Variants in MYH10 observed in about 807,000 individuals in gnomAD.
MYH10 encodes myosin-10.
MYH10 carries 55 observed loss-of-function variants against 257.8 expected under a neutral mutation model. The observed-to-expected ratio is 0.21, with a 90% CI of 0.17 to 0.27. The LOEUF (loss-of-function observed/expected upper bound fraction) is 0.27, where lower values mean the gene tolerates loss of function less well. Ranked by LOEUF, MYH10 falls within the 10% of genes least tolerant of loss-of-function variation. The probability of loss-of-function intolerance (pLI) is 1.00; values close to 1 mark genes in which losing one functional copy is unlikely to be tolerated. For missense variants in MYH10, 1,631 were observed against 2,500.6 expected (o/e 0.65, Z 7.42); for synonymous variants, 854 against 921.7 (o/e 0.93, Z 1.33).
In MYH10 at chr17:8,477,090, A is replaced by T. The variant is rs1429961798; in HGVS notation, c.5707-42T>A. On this transcript the variant is annotated intron_variant, in intron 41 of 42. Coordinates refer to ENST00000360416, the MANE Select transcript of MYH10 (RefSeq NM_001256012.3). This position sits in a 1 kb window ranked among gnomAD's most constrained non-coding sequence, Gnocchi z 4.2. ...GAACCAAAACAAACCAAACTGGTGA[A>T]TCCAGTGTCGGCCTCTCTGTACCCC... 1.2e-6 allele frequency: 2 copies of T among 1,607,558 alleles called. No individual in the cohort carries two copies. Among genetic ancestry groups the T allele is most frequent in the Admixed American group, 1.7e-5 (1 of 59,932 alleles).
intron 32 of MYH10, among the ~76,000 whole-genome samples, chr17:8,493,517 T>C (rs534693134): frequency 1.3e-5 from 2 of 152,330 alleles, no homozygotes; most frequent in Admixed American, 1.3e-4. Flanking sequence ...TGGATTGAAA[T>C]CTTACATCGT....
chr17:8,506,606 T>C lies in MYH10; in HGVS notation c.3215-117A>G. The C allele has an allele frequency of 9.5e-7, 1 of 1,056,000 alleles. No individual in the cohort carries two copies. The highest frequency in any genetic ancestry group is 1.4e-6 in the Non-Finnish European group (1 of 719,288). The allele number at this position is 1,056,000 out of a possible 1,614,324, so 65.4% of individuals were successfully genotyped here. Reference sequence around the variant, plus strand: ...GCCATTTTATTCAAAAGCATGTCACTGCCCTGATGACATGGTCATGCGCTG... The same window carrying C: ...GCCATTTTATTCAAAAGCATGTCACCGCCCTGATGACATGGTCATGCGCTG... On this transcript the variant is annotated intron_variant, in intron 26 of 42. Coordinates refer to ENST00000360416, the MANE Select transcript of MYH10 (RefSeq NM_001256012.3). This position sits in a 1 kb window ranked among gnomAD's most constrained non-coding sequence, Gnocchi z 5.0.
At position 8,493,720 on chromosome 17, in the gene MYH10, A is replaced by G; in HGVS notation, c.4209+13T>C. 6.2e-7 allele frequency: 1 copy of G among 1,609,602 alleles called. No homozygotes were observed. The highest frequency in any genetic ancestry group is 8.5e-7 in the Non-Finnish European group (1 of 1,178,186). Reference sequence around the variant, plus strand: ...CATCGAGGCCACCGCGGCCTCCTAAAGAGGACGCACACCTGGGACTGCAGG... The same window carrying G: ...CATCGAGGCCACCGCGGCCTCCTAAGGAGGACGCACACCTGGGACTGCAGG... On this transcript the variant is annotated intron_variant, in intron 32 of 42. Transcript: ENST00000360416.
intron 4 of MYH10, among the ~76,000 whole-genome samples, chr17:8,583,763 T>C (rs1260358420): frequency 6.6e-6 from 1 of 152,242 alleles, no homozygotes; most frequent in East Asian, 1.9e-4. Context: ...AATATTTGTA[T>C]ATAATAGATA....
intron 4 of MYH10, among the ~76,000 whole-genome samples, chr17:8,580,290 T>A (rs1226790137): frequency 1.3e-5 from 2 of 152,072 alleles, no homozygotes; most frequent in Non-Finnish European, 2.9e-5. Flanking sequence ...GTTTTTTTTT[T>A]AGGTAAACTT....
intron 7 of MYH10, among the ~76,000 whole-genome samples, chr17:8,556,217 G>A (rs1469234808): frequency 2.6e-5 from 4 of 152,130 alleles, no homozygotes; most frequent in Admixed American, 1.3e-4. Context: ...AGTTTCTCAC[G>A]GCGTCAAACA....
At chr17:8,517,637 T>C (rs73248024) in intron 21 of MYH10, among the ~76,000 whole-genome samples, 1 of 152,202 alleles carries the variant, frequency 6.6e-6, no homozygotes, top group South Asian at 2.1e-4. Flanking sequence ...GGCACCATCA[T>C]CTTCTACCCA....
At chr17:8,498,469 A>C (rs1213248749) in intron 30 of MYH10, among the ~76,000 whole-genome samples, 1 of 152,146 alleles carries the variant, frequency 6.6e-6, no homozygotes, top group African/African-American at 2.4e-5. Context: ...CCCTAGGATA[A>C]ATGACTAGAC....
Position 8,500,780 on chromosome 17 carries a change from C to T in MYH10, c.3744+46G>A, listed in dbSNP as rs374160678. 483 of 1,594,106 alleles carry T rather than the reference C, an allele frequency of 3.0e-4. 4 individuals are homozygous for T. In the South Asian group the frequency reaches 4.9e-3, roughly 16 times the overall value. ...GCAGATAGGATGGGAGTGGCTCTGACGACAGACTTTCTCCAGGCCACAGCA... is the reference window on the plus strand; with the variant it reads ...GCAGATAGGATGGGAGTGGCTCTGATGACAGACTTTCTCCAGGCCACAGCA... On this transcript the variant is annotated intron_variant, in intron 29 of 42. Transcript: ENST00000360416.
At chr17:8,613,803 T>A (rs905249037) in intron 2 of MYH10, among the ~76,000 whole-genome samples, 8 of 151,888 alleles carry the variant, frequency 5.3e-5, no homozygotes, top group Admixed American at 3.9e-4. Context: ...ATAACCACCA[T>A]AAGCAGTTTA....
Position 8,542,097 on chromosome 17 carries a change from G to A in MYH10, c.1605+10C>T. Reference sequence around the variant, plus strand: ...AAAATGAAAGACAGCGAGCAAGTGAGCACTCTTACAGGTCTCTCTATTAGG... The same window carrying A: ...AAAATGAAAGACAGCGAGCAAGTGAACACTCTTACAGGTCTCTCTATTAGG... On this transcript the variant is annotated intron_variant, in intron 14 of 42. Coordinates refer to ENST00000360416, the MANE Select transcript of MYH10 (RefSeq NM_001256012.3). 1 of 1,600,856 alleles carries A rather than the reference G, an allele frequency of 6.2e-7. No individual in the cohort carries two copies. The highest frequency in any genetic ancestry group is 1.3e-5 in the African/African-American group (1 of 74,806).
Position 8,493,903 on chromosome 17 carries a change from A to C in MYH10, c.4057-18T>G. On this transcript the variant is annotated intron_variant, in intron 31 of 42. Coordinates refer to ENST00000360416, the MANE Select transcript of MYH10 (RefSeq NM_001256012.3). ...AGAAGCTCCTGTGTTTTTTTTTTAA[A>C]GGGCAACACTTCCATTACATTTATC... 6.3e-7 allele frequency: 1 copy of C among 1,589,066 alleles called. No homozygotes were observed. Among genetic ancestry groups the C allele is most frequent in the Non-Finnish European group, 8.5e-7 (1 of 1,172,028 alleles).
chr17:8,620,969 G>C (rs2085444137), intron 2 of MYH10, among the ~76,000 whole-genome samples: 3 of 152,194 alleles, frequency 2.0e-5, no homozygotes, highest in Admixed American at 6.5e-5. Flanking sequence ...AACTCAGTAA[G>C]AGATAACTGT....
chr17:8,556,791 G>A (rs1271979607), intron 7 of MYH10, among the ~76,000 whole-genome samples: 5 of 152,152 alleles, frequency 3.3e-5, no homozygotes, highest in Non-Finnish European at 7.4e-5. Flanking sequence ...AATCAAGGGA[G>A]AGATCTTAGG....
At chr17:8,536,834 G>A (rs981834042) in intron 14 of MYH10, among the ~76,000 whole-genome samples, 1 of 151,444 alleles carries the variant, frequency 6.6e-6, no homozygotes, top group African/African-American at 2.4e-5. Flanking sequence ...AATCCATAGA[G>A]ACAGAGGGTA....
intron 22 of MYH10, 39 bp downstream of exon 22, chr17:8,513,747 T>G: frequency 6.2e-7 from 1 of 1,611,758 alleles, no homozygotes; most frequent in East Asian, 2.2e-5. Flanking sequence ...CAGACTCTGC[T>G]ATTTGAAAGG....
At chr17:8,533,787 A>C (rs1267436229) in intron 16 of MYH10, among the ~76,000 whole-genome samples, 1 of 152,128 alleles carries the variant, frequency 6.6e-6, no homozygotes, top group Non-Finnish European at 1.5e-5. Flanking sequence ...CACTTTGCAT[A>C]CTGATCTCAT....
At chr17:8,501,733 A>G (rs1170397926) in intron 28 of MYH10, among the ~76,000 whole-genome samples, 1 of 152,232 alleles carries the variant, frequency 6.6e-6, no homozygotes, top group Non-Finnish European at 1.5e-5. Context: ...ATGAGAACAC[A>G]GCAGGTCTAT....
intron 17 of MYH10, among the ~76,000 whole-genome samples, chr17:8,526,338 G>A (rs374237459): frequency 1.3e-5 from 2 of 152,204 alleles, no homozygotes; most frequent in Non-Finnish European, 2.9e-5. Context: ...AATGGGCGGC[G>A]CGCCTCACTG....
Sources: gnomAD v4.1 joint callset for allele counts (sites outside exome capture counted in the v4.1 genomes callset) on GRCh38, gnomAD v4.1.1 for gene constraint, Gnocchi (gnomAD v3.1) non-coding constraint, MANE v1.5 for transcripts, NCBI Gene and HGNC (gene_info 2026-07-23, HGNC 2026-07-21) for gene names.